Variants in NOL4 observed in about 807,000 individuals in gnomAD.
NOL4 encodes the protein cancer/testis antigen 125.
Under a neutral mutation model 75.9 loss-of-function variants are expected in NOL4, and 17 were observed. That is an observed-to-expected ratio of 0.22 (90% CI 0.15 to 0.34). NOL4 has a LOEUF of 0.34. Among genes scored for constraint, NOL4 ranks in the 10% least tolerant of loss-of-function variants. The pLI is 1.00. For synonymous variants in NOL4, 292 were observed against 289.9 expected (o/e 1.01, Z -0.07); for missense variants, 614 against 793.5 (o/e 0.77, Z 2.72).
chr18:33,890,942 A>G (rs1039578642), intron 9 of NOL4, among the ~76,000 whole-genome samples: 20 of 151,976 alleles, frequency 1.3e-4, no homozygotes, highest in Non-Finnish European at 2.9e-5. Flanking sequence ...AAAGTGGTCA[A>G]ACCAAAAATT....
chr18:33,981,227 T>G (rs1332372375), intron 6 of NOL4, among the ~76,000 whole-genome samples: 1 of 150,506 alleles, frequency 6.6e-6, no homozygotes, highest in Non-Finnish European at 1.5e-5. Context: ...ACAAAAGGTA[T>G]GAAATATACA....
At position 33,972,511 on chromosome 18, in the gene NOL4, G is replaced by A. The variant is rs2071154959; in HGVS notation, c.1057-14093C>T. Among the ~76,000 whole-genome samples the A allele has an allele frequency of 2.0e-5, 3 of 152,098 alleles. No individual in the cohort carries two copies. In the South Asian group the frequency reaches 6.2e-4, roughly 32 times the overall value. Reference sequence around the variant, plus strand: ...AAGTTGGAACCCTTGCGCACTATTGGTGGGATTGTAAAATCGTGCAACTAA... The same window carrying A: ...AAGTTGGAACCCTTGCGCACTATTGATGGGATTGTAAAATCGTGCAACTAA... On this transcript the variant is annotated intron_variant, in intron 6 of 10. Coordinates refer to ENST00000261592, the MANE Select transcript of NOL4 (RefSeq NM_003787.5).
chr18:33,890,777 G>T (rs1202414740), intron 9 of NOL4, among the ~76,000 whole-genome samples: 1 of 152,080 alleles, frequency 6.6e-6, no homozygotes, highest in African/African-American at 2.4e-5. Flanking sequence ...TTCTGGAAGT[G>T]TGTGTGCTAA....
intron 9 of NOL4, among the ~76,000 whole-genome samples, chr18:33,925,785 G>C (rs1041114984): frequency 1.7e-4 from 26 of 151,894 alleles, no homozygotes; most frequent in African/African-American, 2.4e-5. Context: ...TATGTAAAAT[G>C]CTTTGAAAAA....
chr18:33,958,068 C>A (rs1342180805), intron 7 of NOL4, among the ~76,000 whole-genome samples, 171 bp downstream of exon 7: 1 of 152,126 alleles, frequency 6.6e-6, no homozygotes, highest in African/African-American at 2.4e-5. Flanking sequence ...AAATTCTAAA[C>A]AAAACACAGC....
chr18:33,882,429 T>C (rs1193215312), intron 10 of NOL4, among the ~76,000 whole-genome samples: 1 of 151,974 alleles, frequency 6.6e-6, no homozygotes, highest in South Asian at 2.1e-4. Context: ...AGAAGACATT[T>C]ATGCAGCCAA....
At chr18:34,022,202 C>A (rs1429756731) in intron 5 of NOL4, among the ~76,000 whole-genome samples, 2 of 151,294 alleles carry the variant, frequency 1.3e-5, no homozygotes, top group Non-Finnish European at 2.9e-5. Context: ...TTATTTCACG[C>A]CTGGCCTGAA....
At chr18:34,133,198 G>C (rs1350666366) in intron 1 of NOL4, among the ~76,000 whole-genome samples, 1 of 151,550 alleles carries the variant, frequency 6.6e-6, no homozygotes, top group Non-Finnish European at 1.5e-5. Flanking sequence ...CTTGAACCTG[G>C]GAGGTGGAGG....
intron 2 of NOL4, among the ~76,000 whole-genome samples, chr18:34,122,374 T>C (rs1010112434): frequency 6.6e-6 from 1 of 152,062 alleles, no homozygotes; most frequent in Non-Finnish European, 1.5e-5. Context: ...GTGTTATCCA[T>C]AGGTCACTAA....
chr18:33,902,255 T>C (rs114278428), intron 9 of NOL4, among the ~76,000 whole-genome samples: 2,165 of 152,226 alleles, frequency 0.014, 50 homozygotes, highest in African/African-American at 0.049. Context: ...CCTAATAAAA[T>C]TACTAGAATT....
intron 9 of NOL4, among the ~76,000 whole-genome samples, chr18:33,934,914 G>A (rs915366116): frequency 4.0e-5 from 6 of 149,590 alleles, no homozygotes; most frequent in South Asian, 2.1e-4. Context: ...GCCTGGAGGC[G>A]GTGGCACAAT....
rs2078384668 is a variant in NOL4 at position 34,089,123 on chromosome 18, G to GT, written c.772+4341dup. ...CTATAACCATAGTGAAATAAAAATT[G>GT]TAAAAAAAGTTATTTTACTCTTCAT... is the stretch of plus-strand genomic sequence containing the variant. On this transcript the variant is annotated intron_variant, in intron 5 of 10. Transcript: ENST00000261592. 5.3e-5 allele frequency among the ~76,000 whole-genome samples: 8 copies of GT among 151,874 alleles called. No individual in the cohort carries two copies. The South Asian group carries it at 1.5e-3, about 28-fold the overall frequency.
intron 10 of NOL4, among the ~76,000 whole-genome samples, chr18:33,875,510 C>A (rs1332260494): frequency 6.6e-6 from 1 of 151,862 alleles, no homozygotes; most frequent in African/African-American, 2.4e-5. Flanking sequence ...TCCAATCGGG[C>A]AAGATTTTCT....
Position 33,886,470 on chromosome 18 carries a change from G to C in NOL4, c.1543-3046C>G, listed in dbSNP as rs886203588. 9.9e-5 allele frequency among the ~76,000 whole-genome samples: 15 copies of C among 150,892 alleles called. 1 individual carries two copies. Among genetic ancestry groups the C allele is most frequent in the Admixed American group, 9.9e-4 (15 of 15,096 alleles). On this transcript the variant is annotated intron_variant, in intron 9 of 10. Transcript: ENST00000261592. ...TTGAACCTAGGAGGCAGAGGTTGCA[G>C]TGAGCCAAGATCATGCCACTGCACT...
chr18:33,974,561 G>A (rs2071344251), intron 6 of NOL4, among the ~76,000 whole-genome samples: 1 of 152,172 alleles, frequency 6.6e-6, no homozygotes, highest in South Asian at 2.1e-4. Context: ...AGTTTGTGGT[G>A]ATCAAAAACA....
At chr18:33,945,315 T>G (rs776425653) in intron 8 of NOL4, among the ~76,000 whole-genome samples, 25 of 151,888 alleles carry the variant, frequency 1.6e-4, no homozygotes, top group Non-Finnish European at 3.2e-4. Context: ...AGCTATAGAA[T>G]TTTACTAAAT....
chr18:33,957,793 G>C lies in NOL4; in HGVS notation c.1237-276C>G, dbSNP rs564047779. 5.9e-5 allele frequency among the ~76,000 whole-genome samples: 9 copies of C among 152,196 alleles called. No homozygotes were observed. The South Asian group carries it at 6.2e-4, about 11-fold the overall frequency. ...TGTAGAAAAAAATCAGGAAATAACA[G>C]AGACTGTGACAATTGAGCACCCCTT... is the stretch of plus-strand genomic sequence containing the variant. On this transcript the variant is annotated intron_variant, in intron 7 of 10. Coordinates refer to ENST00000261592, the MANE Select transcript of NOL4 (RefSeq NM_003787.5).
intron 1 of NOL4, among the ~76,000 whole-genome samples, chr18:34,187,362 G>T: frequency 7.1e-6 from 1 of 140,620 alleles, no homozygotes. Flanking sequence ...TGGTTTAATA[G>T]TCCACTTCTT....
intron 9 of NOL4, among the ~76,000 whole-genome samples, chr18:33,920,954 G>C (rs1386590130): frequency 6.6e-6 from 1 of 152,206 alleles, no homozygotes; most frequent in Non-Finnish European, 1.5e-5. Context: ...GGAAGGTGCA[G>C]TCGGCCAGGT....
Sources: gnomAD v4.1 joint callset for allele counts (sites outside exome capture counted in the v4.1 genomes callset) on GRCh38, gnomAD v4.1.1 for gene constraint, MANE v1.5 for transcripts, NCBI Gene and HGNC (gene_info 2026-07-23, HGNC 2026-07-21) for gene names.